The following CCDC144A variants were observed in gnomAD, a reference collection of about 807,000 sequenced individuals.
CCDC144A encodes coiled-coil domain-containing protein 144A.
In CCDC144A, 41 loss-of-function variants were observed where a neutral mutation model predicts 143.8. The observed-to-expected ratio is 0.29, with a 90% CI of 0.22 to 0.37. The LOEUF (loss-of-function observed/expected upper bound fraction) is 0.37. Among genes scored for constraint, CCDC144A ranks in the 10% least tolerant of loss-of-function variants. The pLI, the probability that CCDC144A is intolerant of heterozygous loss-of-function variation, is 1.00. For missense variants in CCDC144A, 637 were observed against 1,488.8 expected, an observed-to-expected ratio of 0.43 and a Z score of 9.41; for synonymous variants, 242 against 517.9, an observed-to-expected ratio of 0.47 and a Z score of 7.23.
intron 9 of CCDC144A, among the ~76,000 whole-genome samples, chr17:16,729,991 T>TATATATACACACAC (rs1491438660): frequency 5.9e-4 from 68 of 114,874 alleles, no homozygotes; most frequent in Non-Finnish European, 1.1e-3. Context: ...TATATATATA[T>TATATATACACACAC]ACACACATAC....
rs62075079 is a variant in CCDC144A, at chr17:16,776,119, G to A, written c.*2486G>A. The A allele has an allele frequency of 0.23, 34,905 of 149,308 alleles. 3,118 individuals are homozygous for A. Among genetic ancestry groups the A allele is most frequent in the African/African-American group, 0.41 (17,003 of 41,090 alleles). The allele number at this position is 149,308 out of a possible 1,614,324, so 9.2% of individuals were successfully genotyped here. ...TTTGGTTACTGTAGTCTTGTAGTAT[G>A]TTTGAAGCTGGGTAGCATGATGCCT... On this transcript the variant is annotated 3_prime_UTR_variant, in exon 17 of 17. Transcript: ENST00000399273.
chr17:16,670,422 G>T, the CCDC144A span, among the ~76,000 whole-genome samples: 2 of 149,648 alleles, frequency 1.3e-5, no homozygotes, highest in East Asian at 2.0e-4. Context: ...TGAGTAGCCG[G>T]GATTACATAA....
chr17:16,686,111 T>C (rs1336193378), upstream of CCDC144A, among the ~76,000 whole-genome samples: 1 of 150,784 alleles, frequency 6.6e-6, no homozygotes, highest in Non-Finnish European at 1.5e-5. Flanking sequence ...TTTTTTTTTT[T>C]TGAGACAGAG....
chr17:16,777,112 A>G lies in CCDC144A; in HGVS notation c.*3479A>G, dbSNP rs1165515830. ...AGACAACAGCAGTTTTAAAAAGACAAAGAGGGACATTATATAATGATAAAA... is the reference window on the plus strand; with the variant it reads ...AGACAACAGCAGTTTTAAAAAGACAGAGAGGGACATTATATAATGATAAAA... On this transcript the variant is annotated 3_prime_UTR_variant, in exon 17 of 17. Transcript: ENST00000399273. The G allele has an allele frequency of 1.4e-5, 2 of 140,356 alleles. No individual in the cohort carries two copies. Among genetic ancestry groups the G allele is most frequent in the Non-Finnish European group, 3.0e-5 (2 of 65,710 alleles). The allele number at this position is 140,356 out of a possible 1,614,324, so 8.7% of individuals were successfully genotyped here.
chr17:16,730,598 A>G (rs1913693724), intron 9 of CCDC144A, among the ~76,000 whole-genome samples: 2 of 122,426 alleles, frequency 1.6e-5, no homozygotes, highest in African/African-American at 7.7e-5. Context: ...TTTTCACTAT[A>G]TTGATTCTTC....
At chr17:16,726,394 AAGAG>A (rs1258347151) in intron 8 of CCDC144A, among the ~76,000 whole-genome samples, 1 of 146,032 alleles carries the variant, frequency 6.8e-6, no homozygotes, top group African/African-American at 2.7e-5. Context: ...AAAAAAAAAA[AAGAG>A]AGATAAAAAA....
At chr17:16,681,175 G>C in the CCDC144A span, among the ~76,000 whole-genome samples, 1 of 151,856 alleles carries the variant, frequency 6.6e-6, no homozygotes, top group African/African-American at 2.4e-5. Context: ...TTAAAAGCTA[G>C]GCTTGTCTTT....
In CCDC144A at chr17:16,732,977, A is replaced by G. The variant is rs536967898; in HGVS notation, c.2418+311A>G. Among the ~76,000 whole-genome samples, 149 of 151,794 alleles carry G rather than the reference A, an allele frequency of 9.8e-4. No individual in the cohort carries two copies. The Middle Eastern group carries it at 0.02, about 21-fold the overall frequency. ...TTTCCACAATCTCAAAATCCTTGCT[A>G]CTAACAACAGACGTTCTAGTTTTCA... is the stretch of plus-strand genomic sequence containing the variant. On this transcript the variant is annotated intron_variant, in intron 11 of 16. Transcript: ENST00000399273.
chr17:16,737,944 A>G (rs1028989800), intron 12 of CCDC144A, among the ~76,000 whole-genome samples: 1 of 150,452 alleles, frequency 6.6e-6, no homozygotes, highest in African/African-American at 2.5e-5. Context: ...TATTCCTCAC[A>G]GAAGTTGAGA....
intron 12 of CCDC144A, among the ~76,000 whole-genome samples, chr17:16,747,310 C>G (rs910657474): frequency 5.3e-5 from 8 of 152,038 alleles, no homozygotes; most frequent in African/African-American, 1.9e-4. Flanking sequence ...TTTAGTGTAG[C>G]GTTTGTTTAC....
At chr17:16,717,845 A>T (rs1912864478) in intron 6 of CCDC144A, among the ~76,000 whole-genome samples, 1 of 152,254 alleles carries the variant, frequency 6.6e-6, no homozygotes, top group East Asian at 1.9e-4. Flanking sequence ...TAGATTTTTT[A>T]AAGTTGTGGT....
chr17:16,771,267 C>G (rs1567613520), intron 15 of CCDC144A, among the ~76,000 whole-genome samples: 1 of 152,200 alleles, frequency 6.6e-6, no homozygotes, highest in Non-Finnish European at 1.5e-5. Context: ...TTAAATAACT[C>G]TAAATTGTTT....
At chr17:16,687,429 A>G (rs1910822707), upstream of CCDC144A, among the ~76,000 whole-genome samples, 2 of 151,872 alleles carry the variant, frequency 1.3e-5, no homozygotes, top group Non-Finnish European at 2.9e-5. Context: ...AAACAATATT[A>G]GTCTTTTGTT....
chr17:16,678,187 T>C, the CCDC144A span, among the ~76,000 whole-genome samples: 1 of 152,026 alleles, frequency 6.6e-6, no homozygotes, highest in South Asian at 2.1e-4. Context: ...CTACATCCCC[T>C]GATCTGAAAA....
intron 2 of CCDC144A, among the ~76,000 whole-genome samples, chr17:16,699,879 G>T (rs1911634714): frequency 6.6e-6 from 1 of 152,116 alleles, no homozygotes; most frequent in Admixed American, 6.5e-5. Flanking sequence ...CTTTAGTCCA[G>T]TGGATATAGC....
intron 6 of CCDC144A, among the ~76,000 whole-genome samples, chr17:16,714,133 A>G (rs986554981): frequency 3.9e-5 from 6 of 152,084 alleles, no homozygotes; most frequent in African/African-American, 1.4e-4. Flanking sequence ...CTGCCTTTCC[A>G]GTCCATCTGT....
chr17:16,709,760 A>G, intron 5 of CCDC144A, 125 bp downstream of exon 5: 2 of 1,378,124 alleles, frequency 1.5e-6, no homozygotes, highest in Non-Finnish European at 2.0e-6. Context: ...AATTGTGTGT[A>G]GAAACAGATG....
chr17:16,714,701 C>T (rs2143149885), intron 6 of CCDC144A, among the ~76,000 whole-genome samples: 1 of 151,974 alleles, frequency 6.6e-6, no homozygotes, highest in East Asian at 1.9e-4. Context: ...GCACTTAAAA[C>T]ATAAGTCAGA....
the CCDC144A span, among the ~76,000 whole-genome samples, chr17:16,673,717 A>G: frequency 2.6e-5 from 4 of 152,128 alleles, no homozygotes; most frequent in South Asian, 2.1e-4. Context: ...ATTTTATACT[A>G]TCGTTTAATC....
Sources: gnomAD v4.1 joint callset for allele counts (sites outside exome capture counted in the v4.1 genomes callset) on GRCh38, gnomAD v4.1.1 for gene constraint, MANE v1.5 for transcripts, NCBI Gene and HGNC (gene_info 2026-07-23, HGNC 2026-07-21) for gene names.